TXNDC16: variants seen among roughly 807,000 people sequenced by gnomAD.
The protein encoded by TXNDC16 is thioredoxin domain-containing protein 16.
A neutral mutation model predicts 85.6 loss-of-function variants in TXNDC16; 74 were observed. The observed-to-expected ratio is 0.86, with a 90% confidence interval of 0.72 to 1.05. The LOEUF (loss-of-function observed/expected upper bound fraction) is 1.05, where lower values mean the gene tolerates loss of function less well. Ranked by LOEUF, TXNDC16 falls within the 50% of genes least tolerant of loss-of-function variation. The probability of loss-of-function intolerance (pLI) is 0.00; values close to 1 mark genes in which losing one functional copy is unlikely to be tolerated. For missense variants in TXNDC16, 959 were observed against 947.0 expected (o/e 1.01, Z -0.17); for synonymous variants, 335 against 326.5 (o/e 1.03, Z -0.28).
chr14:52,441,185 A>T (rs1331400724), intron 18 of TXNDC16, among the ~76,000 whole-genome samples: 1 of 152,216 alleles, frequency 6.6e-6, no homozygotes, highest in Non-Finnish European at 1.5e-5. Context: ...GGTTAAAATC[A>T]TAATTAAAAT....
At chr14:52,526,713 G>A (rs2037343445) in intron 6 of TXNDC16, among the ~76,000 whole-genome samples, 3 of 152,202 alleles carry the variant, frequency 2.0e-5, no homozygotes, top group South Asian at 2.1e-4. Flanking sequence ...GTATGCTAAT[G>A]TGCTGACTGA....
In TXNDC16 at chr14:52,505,567, T is replaced by C. The variant is rs763732992; in HGVS notation, c.756+5673A>G. The stretch of plus-strand genomic sequence containing the variant: ...AATCTCTGGGACACATTCAAAGCAG[T>C]GTGTAGAGGGAAATTTATAGCGCTA... On this transcript the variant is annotated intron_variant, in intron 9 of 20. Transcript: ENST00000281741. Among the ~76,000 whole-genome samples the C allele has an allele frequency of 1.8e-4, 27 of 152,300 alleles. 2 individuals carry two copies. In the Middle Eastern group the frequency reaches 0.02, roughly 115 times the overall value.
intron 6 of TXNDC16, among the ~76,000 whole-genome samples, chr14:52,530,009 A>T: frequency 9.6e-6 from 1 of 104,172 alleles, no homozygotes. Context: ...TATAATATAT[A>T]TTATATATTA....
chr14:52,512,792 C>T (rs1240779969), intron 8 of TXNDC16, among the ~76,000 whole-genome samples: 1 of 152,152 alleles, frequency 6.6e-6, no homozygotes, highest in African/African-American at 2.4e-5. Flanking sequence ...CAGGGAACTT[C>T]GTTTGCCATA....
chr14:52,532,069 A>G (rs2037593721), intron 6 of TXNDC16, among the ~76,000 whole-genome samples: 2 of 152,222 alleles, frequency 1.3e-5, no homozygotes, highest in Admixed American at 1.3e-4. Flanking sequence ...CTTAAAATCC[A>G]GAAGTCAAAA....
intron 3 of TXNDC16, 131 bp downstream of exon 3, chr14:52,543,267 A>C: frequency 9.9e-7 from 1 of 1,014,784 alleles, no homozygotes; most frequent in East Asian, 2.8e-5. Flanking sequence ...ATTCAAACCC[A>C]GTCAGACATA....
intron 16 of TXNDC16, among the ~76,000 whole-genome samples, chr14:52,465,571 GA>G (rs1353195977): frequency 7.1e-6 from 1 of 140,558 alleles, no homozygotes; most frequent in African/African-American, 2.7e-5. Context: ...CAGCCTGGGC[GA>G]CAGAGCAAGA....
At chr14:52,542,962 G>A (rs1020380581) in intron 3 of TXNDC16, among the ~76,000 whole-genome samples, 4 of 152,046 alleles carry the variant, frequency 2.6e-5, no homozygotes, top group Non-Finnish European at 4.4e-5. Context: ...AGTTAATTCA[G>A]TATAATTAAC....
chr14:52,498,977 T>C (rs771852750), intron 9 of TXNDC16, among the ~76,000 whole-genome samples: 51 of 152,224 alleles, frequency 3.4e-4, no homozygotes, highest in Middle Eastern at 3.4e-3. Context: ...AACAGACACA[T>C]AGACCAATGG....
At position 52,439,200 on chromosome 14, in the gene TXNDC16, T is replaced by C. The variant is rs1248143074; in HGVS notation, c.2194+4A>G. The C allele has an allele frequency of 6.2e-7, 1 of 1,612,804 alleles. No individual in the cohort carries two copies. Among genetic ancestry groups the C allele is most frequent in the Non-Finnish European group, 8.5e-7 (1 of 1,179,344 alleles). On this transcript the variant is annotated splice_donor_region_variant and intron_variant, in intron 20 of 20. Transcript: ENST00000281741. ...ACATGTATTAAACAAAACAGAAAAC[T>C]TACTGATATGATTTTCTAGTCCTGC...
At position 52,431,546 on chromosome 14, in the gene TXNDC16, C is replaced by T. The variant is rs1367978399; in HGVS notation, c.*758G>A. 2.6e-5 allele frequency: 4 copies of T among 152,088 alleles called. No individual in the cohort carries two copies. The highest frequency in any genetic ancestry group is 4.8e-5 in the African/African-American group (2 of 41,396). 9.4% of individuals were successfully genotyped at this position (152,088 alleles called of 1,614,324 possible). ...AGCAGAACCAGGAAATTCTGGAAAC[C>T]TAGTCTGCCACAGGTTACTTTTAAC... On this transcript the variant is annotated 3_prime_UTR_variant, in exon 21 of 21. Transcript: ENST00000281741.
intron 14 of TXNDC16, among the ~76,000 whole-genome samples, chr14:52,474,720 A>T (rs2035982052): frequency 1.3e-5 from 2 of 151,876 alleles, no homozygotes; most frequent in Non-Finnish European, 2.9e-5. Flanking sequence ...ACAAGAGTGA[A>T]ACTCCATCTC....
At chr14:52,440,493 T>A in intron 19 of TXNDC16, 71 bp downstream of exon 19, 2 of 1,304,680 alleles carry the variant, frequency 1.5e-6, no homozygotes, top group Non-Finnish European at 2.0e-6. Flanking sequence ...GAGAGTTTCG[T>A]TTCCTAATGA....
intron 6 of TXNDC16, among the ~76,000 whole-genome samples, chr14:52,527,673 G>C (rs193002261): frequency 6.6e-5 from 10 of 152,250 alleles, no homozygotes; most frequent in Admixed American, 3.9e-4. Context: ...TCATTCAGTA[G>C]AGAACTAGGT....
chr14:52,442,234 C>T (rs189249028), intron 18 of TXNDC16, among the ~76,000 whole-genome samples: 82 of 152,180 alleles, frequency 5.4e-4, no homozygotes, highest in Middle Eastern at 6.8e-3. Context: ...TTTTCAGTTC[C>T]ACGTCCATTA....
rs546193406 is a variant in TXNDC16, at chr14:52,547,531, T to A, written c.-181-3160A>T. 3.3e-5 allele frequency among the ~76,000 whole-genome samples: 5 copies of A among 152,354 alleles called. No individual in the cohort carries two copies. In the South Asian group the frequency reaches 1.0e-3, roughly 32 times the overall value. On this transcript the variant is annotated intron_variant, in intron 1 of 20. Transcript: ENST00000281741. ...CATTTCTATTGTGTTAGGAGTGTTG[T>A]TGTTGTTTCAACTGGCCTAGAGAAC... is the stretch of plus-strand genomic sequence containing the variant.
In TXNDC16 at chr14:52,444,695, A is replaced by C. The variant is rs188475490; in HGVS notation, c.1843-3971T>G. Reference sequence around the variant, plus strand: ...TAATCTTTAAAAAAATTAGAGACCAATTTTTATCCACTAAATATACCAAGA... The same window carrying C: ...TAATCTTTAAAAAAATTAGAGACCACTTTTTATCCACTAAATATACCAAGA... On this transcript the variant is annotated intron_variant, in intron 18 of 20. Coordinates refer to ENST00000281741, the MANE Select transcript of TXNDC16 (RefSeq NM_020784.3). 5.4e-3 allele frequency among the ~76,000 whole-genome samples: 827 copies of C among 152,220 alleles called. 5 individuals are homozygous for C. The highest frequency in any genetic ancestry group is 7.2e-3 in the Non-Finnish European group (490 of 67,974).
chr14:52,493,216 T>TATATATATATATACACACAC, intron 9 of TXNDC16, among the ~76,000 whole-genome samples: 12 of 115,934 alleles, frequency 1.0e-4, no homozygotes, highest in African/African-American at 4.3e-4. Context: ...TATATATATA[T>TATATATATATATACACACAC]ACACACACAC....
At chr14:52,491,590 C>A in intron 9 of TXNDC16, among the ~76,000 whole-genome samples, 1 of 110,024 alleles carries the variant, frequency 9.1e-6, no homozygotes, top group Non-Finnish European at 1.8e-5. Flanking sequence ...TATAAATAAA[C>A]AAAAACAATA....
Sources: gnomAD v4.1 joint callset for allele counts (sites outside exome capture counted in the v4.1 genomes callset) on GRCh38, gnomAD v4.1.1 for gene constraint, MANE v1.5 for transcripts, NCBI Gene and HGNC (gene_info 2026-07-23, HGNC 2026-07-21) for gene names.